Variants in DLG2 observed in about 807,000 individuals in gnomAD.
DLG2 encodes discs large MAGUK scaffold protein 2.
In DLG2, 45 loss-of-function variants were observed where a neutral mutation model predicts 132.5. That is an observed-to-expected ratio of 0.34 (90% confidence interval 0.27 to 0.44). The LOEUF is 0.44. Among genes scored for constraint, DLG2 ranks in the 20% least tolerant of loss-of-function variants. The pLI is 1.00. For missense variants in DLG2, 1,045 were observed against 1,196.9 expected, an observed-to-expected ratio of 0.87 and a Z score of 1.87; for synonymous variants, 424 against 419.6, an observed-to-expected ratio of 1.01 and a Z score of -0.13.
intron 18 of DLG2, among the ~76,000 whole-genome samples, chr11:83,771,077 TCA>T (rs2094373620): frequency 6.6e-6 from 1 of 152,204 alleles, no homozygotes. Flanking sequence ...CCAATAATCT[TCA>T]CATCTTCATT....
Position 85,585,715 on chromosome 11 carries a change from GT to G in DLG2, c.40+12941del, listed in dbSNP as rs200477698. Reference sequence around the variant, plus strand: ...AATTCTGTTTATGTGATATATCACAGTTTTTTTTTTTTTTCTAAGATGGAGT... The same window carrying G: ...AATTCTGTTTATGTGATATATCACAGTTTTTTTTTTTTTCTAAGATGGAGT... On this transcript the variant is annotated intron_variant, in intron 3 of 27. Coordinates refer to ENST00000376104, the MANE Select transcript of DLG2 (RefSeq NM_001142699.3). Among the ~76,000 whole-genome samples the G allele has an allele frequency of 3.8e-3, 545 of 144,318 alleles. 4 individuals are homozygous for G. The highest frequency in any genetic ancestry group is 0.018 in the Middle Eastern group (5 of 282). The allele number at this position is 144,318 out of a possible 152,430, so 94.7% of individuals were successfully genotyped here. A position where few individuals can be genotyped will look rare whatever the true frequency, so the allele number is the denominator to read the frequency against.
At chr11:85,545,927 T>C (rs1474682996) in intron 3 of DLG2, among the ~76,000 whole-genome samples, 1 of 152,182 alleles carries the variant, frequency 6.6e-6, no homozygotes, top group Non-Finnish European at 1.5e-5. Flanking sequence ...TTTGTTGAAC[T>C]TTTCAAAAAA....
At chr11:84,547,908 T>A (rs2099393483) in intron 6 of DLG2, among the ~76,000 whole-genome samples, 1 of 152,164 alleles carries the variant, frequency 6.6e-6, no homozygotes, top group African/African-American at 2.4e-5. Flanking sequence ...GACTAGCACA[T>A]CCTAGAAGTA....
chr11:84,975,695 G>A (rs940124022), intron 6 of DLG2, among the ~76,000 whole-genome samples: 2 of 152,154 alleles, frequency 1.3e-5, no homozygotes, highest in East Asian at 3.9e-4. Context: ...TTAAGAAGAG[G>A]GGATAATTGA....
At chr11:84,591,223 C>CTGTGTG (rs781411791) in intron 6 of DLG2, among the ~76,000 whole-genome samples, 3,937 of 139,198 alleles carry the variant, frequency 0.028, 91 homozygotes, top group East Asian at 0.082. Context: ...ATGTGTCTCT[C>CTGTGTG]TGTGTGTGTG....
At chr11:84,550,693 A>C (rs1390790045) in intron 6 of DLG2, among the ~76,000 whole-genome samples, 10 of 152,188 alleles carry the variant, frequency 6.6e-5, no homozygotes, top group African/African-American at 2.4e-4. Context: ...TGGCATATAT[A>C]TCCTCTGTGA....
At chr11:84,969,617 A>G (rs1301887607) in intron 6 of DLG2, among the ~76,000 whole-genome samples, 1 of 152,176 alleles carries the variant, frequency 6.6e-6, no homozygotes, top group East Asian at 1.9e-4. Context: ...TTTTTCTTTG[A>G]GAGACTAGAA....
At chr11:84,303,382 T>C (rs939562656) in intron 7 of DLG2, among the ~76,000 whole-genome samples, 1 of 152,192 alleles carries the variant, frequency 6.6e-6, no homozygotes, top group Non-Finnish European at 1.5e-5. Context: ...AATGCAAATG[T>C]GTTCAATCAT....
chr11:85,520,857 T>A (rs2074254190), intron 3 of DLG2, among the ~76,000 whole-genome samples: 1 of 151,938 alleles, frequency 6.6e-6, no homozygotes, highest in South Asian at 2.1e-4. Context: ...TATACAAAAA[T>A]CAAATCAAAA....
intron 6 of DLG2, among the ~76,000 whole-genome samples, chr11:85,084,876 AAAGC>A (rs1348416307): frequency 6.6e-6 from 1 of 152,160 alleles, no homozygotes; most frequent in Non-Finnish European, 1.5e-5. Flanking sequence ...TTCATTAGAG[AAAGC>A]ACGAGTTTCT....
At chr11:84,614,740 T>C (rs941548758) in intron 6 of DLG2, among the ~76,000 whole-genome samples, 1 of 152,134 alleles carries the variant, frequency 6.6e-6, no homozygotes, top group Non-Finnish European at 1.5e-5. Flanking sequence ...CTTGAGATTA[T>C]GGGAGTGGAA....
chr11:84,855,048 T>C (rs535809453), intron 6 of DLG2, among the ~76,000 whole-genome samples: 1 of 152,018 alleles, frequency 6.6e-6, no homozygotes, highest in South Asian at 2.1e-4. Context: ...ACAGGAAGCC[T>C]TGTAGTTCCA....
intron 19 of DLG2, among the ~76,000 whole-genome samples, chr11:83,623,792 TA>T (rs1443119702): frequency 6.6e-6 from 1 of 152,240 alleles, no homozygotes; most frequent in African/African-American, 2.4e-5. Context: ...CCCTTGAAAC[TA>T]ACCTAACCTA....
chr11:83,622,787 A>T (rs1235601122), intron 19 of DLG2, among the ~76,000 whole-genome samples: 5 of 151,888 alleles, frequency 3.3e-5, no homozygotes, highest in East Asian at 3.9e-4. Context: ...TAAGATCTCA[A>T]TTTTTTTTGA....
At chr11:84,022,578 A>G (rs1359128688) in intron 11 of DLG2, among the ~76,000 whole-genome samples, 1 of 152,210 alleles carries the variant, frequency 6.6e-6, no homozygotes, top group South Asian at 2.1e-4. Flanking sequence ...CTCTTCTCCA[A>G]AGAAAACAAA....
intron 6 of DLG2, among the ~76,000 whole-genome samples, chr11:84,556,167 C>T (rs191158484): frequency 6.4e-4 from 98 of 152,288 alleles, no homozygotes; most frequent in Non-Finnish European, 8.8e-4. Context: ...TAAGTTCACT[C>T]CCATCTGGGC....
chr11:83,473,834 G>C (rs2092353005), intron 22 of DLG2, among the ~76,000 whole-genome samples: 1 of 152,108 alleles, frequency 6.6e-6, no homozygotes, highest in Non-Finnish European at 1.5e-5. Context: ...CACAGAAAGA[G>C]AGGTAATTTC....
intron 10 of DLG2, among the ~76,000 whole-genome samples, chr11:84,074,059 C>T (rs895468080): frequency 1.2e-4 from 18 of 152,134 alleles, no homozygotes; most frequent in Non-Finnish European, 2.5e-4. Flanking sequence ...AATCTCATTA[C>T]CTGTTACAGG....
intron 17 of DLG2, among the ~76,000 whole-genome samples, chr11:83,824,232 T>C (rs140126097): frequency 6.6e-6 from 1 of 152,140 alleles, no homozygotes; most frequent in Non-Finnish European, 1.5e-5. Context: ...TTGGGAAGTT[T>C]CCCCTCCAGA....
Sources: allele counts gnomAD v4.1 joint callset (sites outside exome capture counted in the v4.1 genomes callset), GRCh38; gene constraint gnomAD v4.1.1; transcripts MANE v1.5; gene names NCBI Gene and HGNC (gene_info 2026-07-23, HGNC 2026-07-21).